Variants in ZGRF1 observed in about 807,000 individuals in gnomAD.
ZGRF1 encodes the protein zinc finger GRF-type containing 1.
A neutral mutation model predicts 203.5 loss-of-function variants in ZGRF1; 196 were observed. That is an observed-to-expected ratio of 0.96 (90% CI 0.86 to 1.08). The LOEUF is 1.08. ZGRF1 is among the 50% of genes least tolerant of loss of function. The pLI is 0.00. For synonymous variants in ZGRF1, 809 were observed against 841.3 expected, an observed-to-expected ratio of 0.96 and a Z score of 0.66; for missense variants, 2,326 against 2,416.3, an observed-to-expected ratio of 0.96 and a Z score of 0.78.
chr4:112,565,384 T>A, intron 16 of ZGRF1: 1 of 964,818 alleles, frequency 1.0e-6, no homozygotes, highest in Non-Finnish European at 1.6e-6. Flanking sequence ...CCACATACGT[T>A]GAGAATGTGC....
chr4:112,597,908 GAA>G (rs35330505), intron 10 of ZGRF1, among the ~76,000 whole-genome samples: 9 of 91,624 alleles, frequency 9.8e-5, no homozygotes, highest in Admixed American at 2.6e-4. Flanking sequence ...CACACACACT[GAA>G]AAAAAAAAAA....
chr4:112,560,640 C>A (rs183437985), intron 19 of ZGRF1, 93 bp downstream of exon 19: 26 of 1,111,670 alleles, frequency 2.3e-5, no homozygotes, highest in Admixed American at 2.1e-4. Context: ...ATTCTTGAAC[C>A]TCATTTGACT....
At chr4:112,592,930 T>C (rs1748422676) in intron 10 of ZGRF1, among the ~76,000 whole-genome samples, 1 of 152,140 alleles carries the variant, frequency 6.6e-6, no homozygotes, top group South Asian at 2.1e-4. Flanking sequence ...ATTAGTTACC[T>C]TACAAAGAGA....
intron 6 of ZGRF1, among the ~76,000 whole-genome samples, chr4:112,613,811 AT>A (rs1035501456): frequency 6.6e-6 from 1 of 152,194 alleles, no homozygotes; most frequent in Non-Finnish European, 1.5e-5. Flanking sequence ...ATATTCAATA[AT>A]CTCCTCTTCT....
At chr4:112,544,062 T>C (rs561715635) in intron 24 of ZGRF1, among the ~76,000 whole-genome samples, 3 of 152,070 alleles carry the variant, frequency 2.0e-5, no homozygotes, top group South Asian at 2.1e-4. Flanking sequence ...ACAAAAGAGG[T>C]TGGATACTGA....
chr4:112,586,239 C>CA (rs71597606), intron 13 of ZGRF1, among the ~76,000 whole-genome samples: 57,897 of 141,066 alleles, frequency 0.41, 11,318 homozygotes, highest in South Asian at 0.5. Context: ...GATCCTGTCT[C>CA]AAAAAAAAAA....
Position 112,581,731 on chromosome 4 carries a change from T to C in ZGRF1, c.4370A>G (p.Tyr1457Cys), listed in dbSNP as rs1241443903. The C allele has an allele frequency of 6.3e-7, 1 of 1,577,398 alleles. No homozygotes were observed. Among genetic ancestry groups the C allele is most frequent in the African/African-American group, 1.4e-5 (1 of 73,122 alleles). ...KKFTTVNPEF[Y>C]NEPKTKLYLK... ...ATAAAGTTTGGTTTTTGGTTCATTA[T>C]AAAACTCAGGATTTACAGTAGTAAA... The change falls in exon 16 of 28, where the codon TAT becomes TGT. Residue 1457 changes from tyrosine (Y) to cysteine (C), a missense_variant. Coordinates refer to ENST00000505019, the MANE Select transcript of ZGRF1 (RefSeq NM_018392.5).
chr4:112,558,183 G>A lies in ZGRF1; in HGVS notation c.5087C>T (p.Ser1696Phe), dbSNP rs3762891. ...ARPWKLLISS[S>F]TNVAVDRVLL... ...TACTCTGTCAACAGCCACATTAGTA[G>A]AAGAAGAAATCAGAAGTTTCCACGG... is the stretch of plus-strand genomic sequence containing the variant. The change falls in exon 20 of 28, where the codon TCT becomes TTT. Residue 1696 changes from serine to phenylalanine, a missense_variant. By Grantham distance (155) the Ser-to-Phe change is radical. Transcript: ENST00000505019. The A allele has an allele frequency of 1.2e-6, 2 of 1,609,176 alleles. No individual in the cohort carries two copies. The highest frequency in any genetic ancestry group is 1.7e-6 in the Non-Finnish European group (2 of 1,178,308).
At chr4:112,541,058 C>G (rs748381156) in intron 25 of ZGRF1, 34 bp downstream of exon 25, 1 of 1,547,392 alleles carries the variant, frequency 6.5e-7, no homozygotes, top group African/African-American at 1.4e-5. Flanking sequence ...GAACCTAAAC[C>G]ATGTTGACTC....
intron 3 of ZGRF1, among the ~76,000 whole-genome samples, chr4:112,627,544 C>T (rs2047278535): frequency 6.6e-6 from 1 of 152,114 alleles, no homozygotes; most frequent in Non-Finnish European, 1.5e-5. Flanking sequence ...AGTTTGAGAC[C>T]AACCTGGCCA....
chr4:112,631,495 C>T (rs2047407158), intron 3 of ZGRF1, among the ~76,000 whole-genome samples: 1 of 151,930 alleles, frequency 6.6e-6, no homozygotes, highest in Non-Finnish European at 1.5e-5. Context: ...CATGGTGAAA[C>T]CCCGTCTCTA....
chr4:112,589,595 T>G, intron 11 of ZGRF1, 129 bp downstream of exon 11: 1 of 785,102 alleles, frequency 1.3e-6, no homozygotes, highest in Admixed American at 2.3e-5. Context: ...GGAAGAAAGG[T>G]TATGGAAAGG....
chr4:112,558,496 T>C (rs1741367664), intron 19 of ZGRF1, among the ~76,000 whole-genome samples, 187 bp from the exon 20 acceptor site: 1 of 152,116 alleles, frequency 6.6e-6, no homozygotes, highest in African/African-American at 2.4e-5. Flanking sequence ...GCCTCCCAAG[T>C]AGCTGGGATT....
intron 12 of ZGRF1, 101 bp downstream of exon 12, chr4:112,587,179 G>T: frequency 1.8e-6 from 2 of 1,093,274 alleles, no homozygotes; most frequent in Non-Finnish European, 2.6e-6. Context: ...AAAGCCATCT[G>T]TCCAAATTGC....
intron 23 of ZGRF1, 76 bp downstream of exon 23, chr4:112,548,177 G>T: frequency 7.3e-7 from 1 of 1,372,684 alleles, no homozygotes; most frequent in Non-Finnish European, 1.0e-6. Context: ...CTAGACTCAA[G>T]CAATCCACCT....
At chr4:112,625,274 G>C (rs2047195887) in intron 3 of ZGRF1, among the ~76,000 whole-genome samples, 1 of 152,030 alleles carries the variant, frequency 6.6e-6, no homozygotes, top group Non-Finnish European at 1.5e-5. Context: ...GGGTGACAGA[G>C]CAAGACCCTG....
chr4:112,620,589 A>T (rs1265994558), intron 4 of ZGRF1, among the ~76,000 whole-genome samples: 1 of 152,090 alleles, frequency 6.6e-6, no homozygotes, highest in Non-Finnish European at 1.5e-5. Context: ...GCTGGATGGG[A>T]TGGCTTATGC....
At chr4:112,581,081 C>T (rs1237523948) in intron 16 of ZGRF1, among the ~76,000 whole-genome samples, 29 of 151,900 alleles carry the variant, frequency 1.9e-4, no homozygotes, top group African/African-American at 3.6e-4. Flanking sequence ...ATATACACCA[C>T]GGAGTACTAT....
intron 4 of ZGRF1, among the ~76,000 whole-genome samples, chr4:112,623,506 T>G (rs1210591214): frequency 6.6e-6 from 1 of 152,204 alleles, no homozygotes; most frequent in Non-Finnish European, 1.5e-5. Flanking sequence ...AGAATTAGAC[T>G]CTAGAATCAC....
Sources: gnomAD v4.1 joint callset for allele counts (sites outside exome capture counted in the v4.1 genomes callset) on GRCh38, gnomAD v4.1.1 for gene constraint, MANE v1.5 for transcripts, NCBI Gene and HGNC (gene_info 2026-07-23, HGNC 2026-07-21) for gene names.